SGIP1: variants seen among roughly 807,000 people sequenced by gnomAD.
SGIP1 encodes SH3-containing GRB2-like protein 3-interacting protein 1.
SGIP1 carries 38 observed loss-of-function variants against 107.5 expected under a neutral mutation model. The ratio of observed to expected loss-of-function variants is 0.35; its 90% CI spans 0.27 to 0.46. SGIP1 has a LOEUF of 0.46. SGIP1 is among the 20% of genes least tolerant of loss of function. The pLI, the probability that SGIP1 is intolerant of heterozygous loss-of-function variation, is 1.00. For missense variants in SGIP1, 929 were observed against 1,019.5 expected (o/e 0.91, Z 1.21); for synonymous variants, 365 against 366.1 (o/e 1.00, Z 0.03).
At position 66,660,183 on chromosome 1, in the gene SGIP1, GAAA is replaced by G. The variant is rs2081083478; in HGVS notation, c.460-329_460-327del. The G allele has an allele frequency of 2.7e-5, 4 of 150,354 alleles. 2 individuals are homozygous for G. Among genetic ancestry groups the G allele is most frequent in the African/African-American group, 1.8e-4 (4 of 22,116 alleles). 9.3% of individuals were successfully genotyped at this position (150,354 alleles called of 1,614,324 possible). Reference sequence around the variant, plus strand: ...AGAAAGAAAGAAAGAAAGAAAGAAAGAAAGAAAGAAAGAAAGAAAGAAAGAAAG... The same window carrying G: ...AGAAAGAAAGAAAGAAAGAAAGAAAGGAAAGAAAGAAAGAAAGAAAGAAAG... On this transcript the variant is annotated intron_variant, in intron 7 of 24. Coordinates refer to ENST00000371037, the MANE Select transcript of SGIP1 (RefSeq NM_032291.4).
chr1:66,717,724 G>A (rs1264979139), intron 18 of SGIP1, among the ~76,000 whole-genome samples: 1 of 152,100 alleles, frequency 6.6e-6, no homozygotes, highest in Non-Finnish European at 1.5e-5. Flanking sequence ...CAGCTGTGCA[G>A]GACTGAACAA....
intron 18 of SGIP1, among the ~76,000 whole-genome samples, chr1:66,696,305 T>C (rs1412979453): frequency 5.9e-5 from 9 of 152,232 alleles, no homozygotes; most frequent in Non-Finnish European, 2.9e-5. Flanking sequence ...ACTTAATTTA[T>C]GGACCATCTT....
At chr1:66,654,465 T>C (rs2079345116) in intron 7 of SGIP1, among the ~76,000 whole-genome samples, 1 of 152,160 alleles carries the variant, frequency 6.6e-6, no homozygotes, top group Non-Finnish European at 1.5e-5. Context: ...TTATCTTTCT[T>C]GTACAATTAT....
At chr1:66,588,867 T>C (rs1246929523) in intron 1 of SGIP1, among the ~76,000 whole-genome samples, 1 of 151,634 alleles carries the variant, frequency 6.6e-6, no homozygotes, top group Non-Finnish European at 1.5e-5. Context: ...AGCAGTAGCA[T>C]TTGAATTTTA....
At chr1:66,668,565 T>C (rs1369376242) in intron 9 of SGIP1, among the ~76,000 whole-genome samples, 1 of 152,130 alleles carries the variant, frequency 6.6e-6, no homozygotes, top group Non-Finnish European at 1.5e-5. Flanking sequence ...ACCTGGTCAG[T>C]CCCTTAAGAG....
chr1:66,615,604 C>A (rs2069090669), intron 1 of SGIP1, among the ~76,000 whole-genome samples: 1 of 152,112 alleles, frequency 6.6e-6, no homozygotes. Flanking sequence ...AGTATATTTT[C>A]TTTTGAATTC....
chr1:66,718,619 A>G (rs2093368814), intron 18 of SGIP1, among the ~76,000 whole-genome samples: 1 of 152,136 alleles, frequency 6.6e-6, no homozygotes, highest in Non-Finnish European at 1.5e-5. Context: ...CCATGTTCAT[A>G]CAGACATGCC....
At chr1:66,687,708 A>G (rs2088767643) in intron 15 of SGIP1, among the ~76,000 whole-genome samples, 1 of 152,118 alleles carries the variant, frequency 6.6e-6, no homozygotes, top group Admixed American at 6.5e-5. Context: ...AACAATACCT[A>G]CCTCCAAAGC....
At chr1:66,655,922 T>C (rs962381984) in intron 7 of SGIP1, among the ~76,000 whole-genome samples, 2 of 152,172 alleles carry the variant, frequency 1.3e-5, no homozygotes, top group Non-Finnish European at 2.9e-5. Context: ...ATAACTCTTT[T>C]ACTTTGTAAA....
At chr1:66,682,736 G>A (rs1385097445) in intron 15 of SGIP1, among the ~76,000 whole-genome samples, 9 of 151,790 alleles carry the variant, frequency 5.9e-5, no homozygotes, top group Admixed American at 1.3e-4. Context: ...TTTCCTTGTC[G>A]GATGCCCCCA....
chr1:66,615,538 C>A (rs544563437), intron 1 of SGIP1, among the ~76,000 whole-genome samples: 1 of 152,106 alleles, frequency 6.6e-6, no homozygotes, highest in Non-Finnish European at 1.5e-5. Flanking sequence ...CCCCCTATTC[C>A]CTGAATGAAA....
rs761178310 is a variant in SGIP1 at position 66,684,076 on chromosome 1, G to A, written c.1315+1707G>A. 7.7e-5 allele frequency: 119 copies of A among 1,549,822 alleles called. 1 individual carries two copies. The highest frequency in any genetic ancestry group is 6.9e-4 in the Admixed American group (35 of 50,990). ...ATTATTTCATACAACACCACCCTGT[G>A]GTAGATACTGTTATCTTTCCCTTTT... On this transcript the variant is annotated intron_variant, in intron 15 of 24. Coordinates refer to ENST00000371037, the MANE Select transcript of SGIP1 (RefSeq NM_032291.4).
intron 3 of SGIP1, chr1:66,634,292 A>C (rs2075370395): frequency 1.4e-6 from 1 of 702,414 alleles, no homozygotes; most frequent in Non-Finnish European, 2.4e-6. Context: ...CCCAGACTGG[A>C]TTGCTATTCC....
chr1:66,567,387 T>A (rs1026546262), intron 1 of SGIP1, among the ~76,000 whole-genome samples: 2 of 152,174 alleles, frequency 1.3e-5, no homozygotes, highest in African/African-American at 4.8e-5. Context: ...AAGTTCCTTA[T>A]AGATTCTGAA....
intron 18 of SGIP1, among the ~76,000 whole-genome samples, chr1:66,705,758 G>T (rs1430414179): frequency 6.6e-6 from 1 of 152,044 alleles, no homozygotes; most frequent in African/African-American, 2.4e-5. Flanking sequence ...TTCAAGAAAA[G>T]AAATAAACCA....
intron 1 of SGIP1, among the ~76,000 whole-genome samples, chr1:66,595,466 C>T (rs2064463226): frequency 6.6e-6 from 1 of 152,208 alleles, no homozygotes; most frequent in Admixed American, 6.5e-5. Flanking sequence ...TATTATTTCT[C>T]ATCAGTGTGC....
chr1:66,557,216 T>C (rs1002941583), intron 1 of SGIP1, among the ~76,000 whole-genome samples: 2 of 152,106 alleles, frequency 1.3e-5, no homozygotes, highest in African/African-American at 2.4e-5. Flanking sequence ...ATGTCAAGGG[T>C]GAACTCTATT....
intron 1 of SGIP1, among the ~76,000 whole-genome samples, chr1:66,540,741 T>A (rs1384324998): frequency 1.3e-5 from 2 of 152,220 alleles, no homozygotes; most frequent in Non-Finnish European, 2.9e-5. Context: ...GTTGGGCTTT[T>A]TGGTTGAAAG....
chr1:66,707,419 C>A (rs938623462), intron 18 of SGIP1, among the ~76,000 whole-genome samples: 3 of 152,222 alleles, frequency 2.0e-5, no homozygotes, highest in Admixed American at 2.0e-4. Context: ...ATAACCTTGA[C>A]CTCTTTATAC....
Sources: gnomAD v4.1 joint callset for allele counts (sites outside exome capture counted in the v4.1 genomes callset) on GRCh38, gnomAD v4.1.1 for gene constraint, MANE v1.5 for transcripts, NCBI Gene and HGNC (gene_info 2026-07-23, HGNC 2026-07-21) for gene names.